The following EFNA5 variants were observed in gnomAD, a reference collection of about 807,000 sequenced individuals.
EFNA5 encodes ephrin-A5.
EFNA5 carries 5 observed loss-of-function variants against 22.9 expected under a neutral mutation model. The ratio of observed to expected loss-of-function variants is 0.22; its 90% CI spans 0.11 to 0.46. EFNA5 has a LOEUF of 0.46. EFNA5 is among the 20% of genes least tolerant of loss of function. The pLI is 0.99. For missense variants in EFNA5, 237 were observed against 293.3 expected (o/e 0.81, Z 1.40); for synonymous variants, 113 against 112.2 (o/e 1.01, Z -0.04).
chr5:107,605,339 A>C (rs559455546), intron 1 of EFNA5, among the ~76,000 whole-genome samples: 14 of 152,248 alleles, frequency 9.2e-5, no homozygotes, highest in African/African-American at 3.4e-4. Context: ...TTAATGACAA[A>C]AGTTACCTGG....
intron 1 of EFNA5, among the ~76,000 whole-genome samples, chr5:107,569,872 G>A (rs1227541195): frequency 8.8e-5 from 13 of 147,344 alleles, no homozygotes; most frequent in Non-Finnish European, 1.5e-5. Flanking sequence ...CAACACAAGA[G>A]GAAATGATCT....
intron 2 of EFNA5, among the ~76,000 whole-genome samples, chr5:107,409,422 A>G (rs1748302895): frequency 6.6e-6 from 1 of 152,234 alleles, no homozygotes. Context: ...CTATGTAGGT[A>G]GGATAATGCC....
intron 1 of EFNA5, among the ~76,000 whole-genome samples, chr5:107,649,988 C>A (rs1352899938): frequency 6.6e-6 from 1 of 152,146 alleles, no homozygotes; most frequent in Non-Finnish European, 1.5e-5. Context: ...TCTTAAGCAT[C>A]ATGGGCCAGC....
At chr5:107,667,685 A>T (rs994458903) in intron 1 of EFNA5, among the ~76,000 whole-genome samples, 2 of 152,114 alleles carry the variant, frequency 1.3e-5, no homozygotes, top group African/African-American at 4.8e-5. Context: ...AGGGAAAAAT[A>T]AAAAAAATTA....
At chr5:107,482,572 G>A (rs1750497544) in intron 1 of EFNA5, among the ~76,000 whole-genome samples, 2 of 152,106 alleles carry the variant, frequency 1.3e-5, no homozygotes, top group Admixed American at 6.6e-5. Flanking sequence ...GGACCTAGCT[G>A]CACTGGGAGT....
At chr5:107,606,095 G>T (rs1356993433) in intron 1 of EFNA5, among the ~76,000 whole-genome samples, 1 of 152,246 alleles carries the variant, frequency 6.6e-6, no homozygotes, top group African/African-American at 2.4e-5. Flanking sequence ...CAAGTCCTCT[G>T]CCCAATCATC....
intron 1 of EFNA5, among the ~76,000 whole-genome samples, chr5:107,510,525 A>T (rs2112433524): frequency 6.6e-6 from 1 of 152,332 alleles, no homozygotes; most frequent in East Asian, 1.9e-4. Context: ...GCGAGATCCA[A>T]GAACCCTCTC....
At chr5:107,383,529 T>A (rs1747525839) in intron 4 of EFNA5, among the ~76,000 whole-genome samples, 1 of 152,214 alleles carries the variant, frequency 6.6e-6, no homozygotes, top group South Asian at 2.1e-4. Context: ...AACTGTGAAA[T>A]AACCACAAAC....
chr5:107,523,091 C>A (rs547151952), intron 1 of EFNA5, among the ~76,000 whole-genome samples: 1 of 152,022 alleles, frequency 6.6e-6, no homozygotes, highest in Non-Finnish European at 1.5e-5. Context: ...ACTGTTTTTT[C>A]GTTTGTTTGT....
intron 1 of EFNA5, among the ~76,000 whole-genome samples, chr5:107,601,556 T>C (rs1749595458): frequency 6.6e-6 from 1 of 152,134 alleles, no homozygotes; most frequent in South Asian, 2.1e-4. Context: ...AATTTCTCAG[T>C]TGATTAGGTA....
At chr5:107,554,299 T>C (rs1036538377) in intron 1 of EFNA5, among the ~76,000 whole-genome samples, 1 of 152,198 alleles carries the variant, frequency 6.6e-6, no homozygotes, top group African/African-American at 2.4e-5. Flanking sequence ...AGATGTATAT[T>C]AAAAGCACAC....
chr5:107,644,854 A>G (rs1750601748), intron 1 of EFNA5, among the ~76,000 whole-genome samples: 1 of 152,178 alleles, frequency 6.6e-6, no homozygotes, highest in Admixed American at 6.5e-5. Flanking sequence ...GGCATGTGCC[A>G]CAATACCTGG....
intron 1 of EFNA5, among the ~76,000 whole-genome samples, chr5:107,452,708 G>T (rs1161958905): frequency 6.6e-6 from 1 of 152,126 alleles, no homozygotes. Context: ...TCCAGCCTGG[G>T]CTCAGAATGA....
At chr5:107,617,356 C>G (rs1749944251) in intron 1 of EFNA5, among the ~76,000 whole-genome samples, 1 of 152,080 alleles carries the variant, frequency 6.6e-6, no homozygotes, top group African/African-American at 2.4e-5. Flanking sequence ...TAGGAACATT[C>G]ATTCAGCACC....
intron 1 of EFNA5, among the ~76,000 whole-genome samples, chr5:107,466,677 G>A (rs184768044): frequency 2.4e-4 from 37 of 152,240 alleles, no homozygotes; most frequent in South Asian, 4.1e-4. Flanking sequence ...CCACTCACTC[G>A]GTGTCTACAA....
At chr5:107,655,830 G>T (rs1167253699) in intron 1 of EFNA5, among the ~76,000 whole-genome samples, 1 of 152,062 alleles carries the variant, frequency 6.6e-6, no homozygotes, top group Non-Finnish European at 1.5e-5. Flanking sequence ...TGTGTTCCTT[G>T]ACAAATCCTG....
chr5:107,475,493 A>G (rs1364873879), intron 1 of EFNA5, among the ~76,000 whole-genome samples: 1 of 152,212 alleles, frequency 6.6e-6, no homozygotes, highest in Non-Finnish European at 1.5e-5. Context: ...AAATGCCACC[A>G]CTGTCCACGT....
intron 1 of EFNA5, among the ~76,000 whole-genome samples, chr5:107,564,631 GTTTTT>G (rs34585445): frequency 8.7e-6 from 1 of 115,028 alleles, no homozygotes. Context: ...TTGGGTTTTT[GTTTTT>G]TTTTTTTTTT....
At chr5:107,651,639 C>T (rs539527623) in intron 1 of EFNA5, among the ~76,000 whole-genome samples, 6 of 144,818 alleles carry the variant, frequency 4.1e-5, no homozygotes, top group African/African-American at 1.6e-4. Flanking sequence ...TAGACTTTCG[C>T]TAATGATTTT....
Sources: gnomAD v4.1 joint callset for allele counts (sites outside exome capture counted in the v4.1 genomes callset) on GRCh38, gnomAD v4.1.1 for gene constraint, MANE v1.5 for transcripts, NCBI Gene and HGNC (gene_info 2026-07-23, HGNC 2026-07-21) for gene names.